Variants in TLL1 observed in about 807,000 individuals in gnomAD.
TLL1 encodes the protein tolloid like 1.
In TLL1, 49 loss-of-function variants were observed where a neutral mutation model predicts 128.2. The observed-to-expected ratio is 0.38, with a 90% CI of 0.30 to 0.48. The LOEUF (loss-of-function observed/expected upper bound fraction) is 0.48. Among genes scored for constraint, TLL1 ranks in the 20% least tolerant of loss-of-function variants. The pLI, the probability that TLL1 is intolerant of heterozygous loss-of-function variation, is 0.96. For synonymous variants in TLL1, 454 were observed against 418.8 expected (o/e 1.08, Z -1.03); for missense variants, 1,123 against 1,242.0 (o/e 0.90, Z 1.44).
intron 1 of TLL1, among the ~76,000 whole-genome samples, chr4:165,925,014 G>C (rs1733205552): frequency 6.6e-6 from 1 of 152,140 alleles, no homozygotes; most frequent in Admixed American, 6.5e-5. Context: ...CCAAAAAAAA[G>C]ATTCTTTTCA....
At chr4:166,077,456 A>G (rs1280344389) in intron 17 of TLL1, among the ~76,000 whole-genome samples, 1 of 152,214 alleles carries the variant, frequency 6.6e-6, no homozygotes, top group Non-Finnish European at 1.5e-5. Flanking sequence ...TACATGATTC[A>G]TAAGGTGCCT....
Position 165,906,477 on chromosome 4 carries a change from C to A in TLL1, c.169+32404C>A, listed in dbSNP as rs1398693192. Among the ~76,000 whole-genome samples, 7 of 152,132 alleles carry A rather than the reference C, an allele frequency of 4.6e-5. 2 individuals carry two copies. The highest frequency in any genetic ancestry group is 4.6e-4 in the Admixed American group (7 of 15,270). ...GGATTTGAACAAAAGTGGCTTGACT[C>A]CAAGCCTGGGCTTTTAATAGCTTCT... On this transcript the variant is annotated intron_variant, in intron 1 of 20. Coordinates refer to ENST00000061240, the MANE Select transcript of TLL1 (RefSeq NM_012464.5).
At chr4:166,029,387 AC>A (rs1184073883) in intron 9 of TLL1, among the ~76,000 whole-genome samples, 4 of 151,958 alleles carry the variant, frequency 2.6e-5, no homozygotes, top group Admixed American at 6.6e-5. Context: ...ATTTGTTGAT[AC>A]CTTTTTTTAA....
chr4:165,886,181 A>C (rs1731157582), intron 1 of TLL1, among the ~76,000 whole-genome samples: 1 of 152,128 alleles, frequency 6.6e-6, no homozygotes, highest in Middle Eastern at 3.2e-3. Context: ...TTAAAAGAGC[A>C]CTGGATATTC....
intron 1 of TLL1, among the ~76,000 whole-genome samples, chr4:165,972,715 C>G (rs970094330): frequency 6.6e-6 from 1 of 152,168 alleles, no homozygotes; most frequent in Non-Finnish European, 1.5e-5. Flanking sequence ...CTCTACCTGG[C>G]TTATAATAAT....
intron 12 of TLL1, among the ~76,000 whole-genome samples, chr4:166,045,409 C>CT (rs1739419382): frequency 6.6e-6 from 1 of 152,106 alleles, no homozygotes; most frequent in South Asian, 2.1e-4. Context: ...CTCTTAAGCC[C>CT]TGCAGCCAAT....
chr4:166,083,805 T>TCCA (rs1741388052), intron 18 of TLL1, among the ~76,000 whole-genome samples: 1 of 152,166 alleles, frequency 6.6e-6, no homozygotes, highest in Non-Finnish European at 1.5e-5. Flanking sequence ...ACACTTAGGT[T>TCCA]CATTCCGTAT....
Position 166,102,102 on chromosome 4 carries a change from C to T in TLL1, c.*1226C>T, listed in dbSNP as rs868055069. 1 of 152,554 alleles carries T rather than the reference C, an allele frequency of 6.6e-6. No homozygotes were observed. Among genetic ancestry groups the T allele is most frequent in the East Asian group, 1.9e-4 (1 of 5,160 alleles). The allele number at this position is 152,554 out of a possible 1,614,324, so 9.5% of individuals were successfully genotyped here. ...CTTGTCAAATATATCAAGAGTATAT[C>T]ATTGCAAGGGCAGCACTTGTCCTGT... On this transcript the variant is annotated 3_prime_UTR_variant, in exon 21 of 21. Transcript: ENST00000061240.
intron 1 of TLL1, among the ~76,000 whole-genome samples, chr4:165,984,363 G>C (rs1736299244): frequency 6.6e-6 from 1 of 151,826 alleles, no homozygotes; most frequent in Admixed American, 6.6e-5. Flanking sequence ...CTTTTAACTG[G>C]TGTAACATTA....
chr4:166,032,203 T>C (rs1313276004), intron 9 of TLL1, among the ~76,000 whole-genome samples: 1 of 152,096 alleles, frequency 6.6e-6, no homozygotes, highest in African/African-American at 2.4e-5. Flanking sequence ...GAAACTTTAC[T>C]GTGGGACTAA....
intron 1 of TLL1, among the ~76,000 whole-genome samples, chr4:165,907,651 C>T (rs576326712): frequency 8.0e-5 from 12 of 150,872 alleles, no homozygotes; most frequent in Non-Finnish European, 1.3e-4. Context: ...CAGGTTCAAA[C>T]GATTCTCCTG....
chr4:165,900,293 A>G (rs1015082985), intron 1 of TLL1, among the ~76,000 whole-genome samples: 9 of 151,962 alleles, frequency 5.9e-5, no homozygotes, highest in African/African-American at 2.2e-4. Context: ...ATAGCCGGTT[A>G]TTTTGCCCAT....
Position 166,039,425 on chromosome 4 carries a change from A to G in TLL1, c.1245A>G (p.Arg415=). The G allele has an allele frequency of 6.2e-7, 1 of 1,612,000 alleles. No homozygotes were observed. Among genetic ancestry groups the G allele is most frequent in the Non-Finnish European group, 8.5e-7 (1 of 1,178,294 alleles). The change falls in exon 10 of 21, where the codon AGA becomes AGG. Residue 415 remains arginine, a synonymous_variant. Transcript: ENST00000061240. ...DYIEVRDGYW[R]KSPLLGRFCG... is the part of the protein sequence containing the mutation. ...TTGAAGTAAGAGACGGGTACTGGAG[A>G]AAATCACCTCTCCTTGGTAAGATAT...
intron 12 of TLL1, among the ~76,000 whole-genome samples, chr4:166,051,261 TCCTC>T (rs140188894): frequency 3.9e-4 from 52 of 135,046 alleles, no homozygotes; most frequent in Non-Finnish European, 4.6e-4. Flanking sequence ...TTCTTTTTTC[TCCTC>T]CCTCCCTCCC....
chr4:166,002,767 C>A (rs1374470917), intron 5 of TLL1, among the ~76,000 whole-genome samples: 1 of 152,092 alleles, frequency 6.6e-6, no homozygotes, highest in Non-Finnish European at 1.5e-5. Flanking sequence ...CTTTAATTAA[C>A]TTCTTCTTTG....
intron 18 of TLL1, among the ~76,000 whole-genome samples, chr4:166,090,467 C>T (rs1032444031): frequency 1.3e-5 from 2 of 151,898 alleles, no homozygotes; most frequent in African/African-American, 4.8e-5. Context: ...TTTTAAATGT[C>T]ATAAATAAGA....
chr4:165,974,142 T>TTTTTTTTTC, intron 1 of TLL1, among the ~76,000 whole-genome samples: 1 of 110,776 alleles, frequency 9.0e-6, no homozygotes, highest in Non-Finnish European at 1.7e-5. Flanking sequence ...TCTTTTTTTT[T>TTTTTTTTTC]TTTTTTTTTT....
chr4:166,063,936 G>A (rs902698506), intron 15 of TLL1, among the ~76,000 whole-genome samples: 2 of 151,684 alleles, frequency 1.3e-5, no homozygotes, highest in Non-Finnish European at 2.9e-5. Context: ...CATGGCACGT[G>A]TATACGTATG....
At chr4:165,929,824 C>T (rs1468887710) in intron 1 of TLL1, among the ~76,000 whole-genome samples, 3 of 152,180 alleles carry the variant, frequency 2.0e-5, no homozygotes, top group Non-Finnish European at 4.4e-5. Context: ...TTGCTCAGGA[C>T]TTCTGAAGTA....
Sources: gnomAD v4.1 joint callset for allele counts (sites outside exome capture counted in the v4.1 genomes callset) on GRCh38, gnomAD v4.1.1 for gene constraint, MANE v1.5 for transcripts, NCBI Gene and HGNC (gene_info 2026-07-23, HGNC 2026-07-21) for gene names.